The following TPM1 variants were observed in gnomAD, a reference collection of about 807,000 sequenced individuals.
The protein encoded by TPM1 is tropomyosin 1.
Under a neutral mutation model 42.9 loss-of-function variants are expected in TPM1, and 24 were observed. The ratio of observed to expected loss-of-function variants is 0.56; its 90% CI spans 0.41 to 0.79. The LOEUF (loss-of-function observed/expected upper bound fraction) is 0.79, where lower values mean the gene tolerates loss of function less well. TPM1 is among the 30% of genes least tolerant of loss of function. The probability of loss-of-function intolerance (pLI) is 0.00; values close to 1 mark genes in which losing one functional copy is unlikely to be tolerated. For missense variants in TPM1, 158 were observed against 351.8 expected, an observed-to-expected ratio of 0.45 and a Z score of 4.41; for synonymous variants, 136 against 130.1, an observed-to-expected ratio of 1.05 and a Z score of -0.31.
At chr15:63,047,803 A>T (rs2032724808) in intron 2 of TPM1, 1 of 173,258 alleles carries the variant, frequency 5.8e-6, no homozygotes, top group Admixed American at 5.9e-5. Flanking sequence ...TAATTCTCAT[A>T]GCAGCCCCAT....
chr15:63,062,843 G>A, intron 8 of TPM1, 198 bp downstream of exon 8: 1 of 1,528,110 alleles, frequency 6.5e-7, no homozygotes, highest in East Asian at 2.5e-5. Context: ...TGACTAGTTA[G>A]CCACCAGCCA....
At chr15:63,042,994 C>A (rs1458964381) in intron 1 of TPM1, 51 bp downstream of exon 1, 2 of 1,492,192 alleles carry the variant, frequency 1.3e-6, no homozygotes, top group Non-Finnish European at 9.1e-7. Flanking sequence ...GGGACTCGAG[C>A]CTGGCACCCC....
chr15:63,069,922 G>A (rs1350373785), downstream of TPM1: 1 of 1,614,000 alleles, frequency 6.2e-7, no homozygotes, highest in African/African-American at 1.3e-5. Flanking sequence ...ATGAACTAAA[G>A]CTGGCCCTGA....
intron 2 of TPM1, among the ~76,000 whole-genome samples, chr15:63,051,887 A>G (rs1286160381): frequency 7.8e-6 from 1 of 127,402 alleles, no homozygotes; most frequent in African/African-American, 3.0e-5. Context: ...AGGCCTCATA[A>G]AAGTTGTTTT....
downstream of TPM1, among the ~76,000 whole-genome samples, chr15:63,067,998 A>T (rs1292783190): frequency 6.6e-6 from 1 of 152,172 alleles, no homozygotes; most frequent in Non-Finnish European, 1.5e-5. Context: ...CTGAATTCAT[A>T]CTGACCCTCT....
chr15:63,064,747 C>T (rs1006357624), intron 9 of TPM1: 6 of 823,478 alleles, frequency 7.3e-6, no homozygotes, highest in Middle Eastern at 6.1e-4. Context: ...GGGCGGATCA[C>T]GAGGTCAGGA....
intron 8 of TPM1, chr15:63,063,024 A>G (rs1369112504): frequency 2.2e-6 from 3 of 1,335,772 alleles, no homozygotes; most frequent in African/African-American, 3.0e-5. Flanking sequence ...TCTTGTTTTT[A>G]GAAGAACCCA....
chr15:63,047,677 GA>G (rs1490544235), intron 2 of TPM1: 1 of 152,450 alleles, frequency 6.6e-6, no homozygotes, highest in Non-Finnish European at 1.5e-5. Context: ...TTACACAGCT[GA>G]TTATGGGCCT....
downstream of TPM1, among the ~76,000 whole-genome samples, chr15:63,066,903 T>C (rs2036308384): frequency 1.3e-5 from 2 of 152,214 alleles, no homozygotes; most frequent in Admixed American, 6.5e-5. Flanking sequence ...TCTTTTTTTT[T>C]TTCCCAAAAA....
At chr15:63,055,297 G>C (rs1388067709) in intron 2 of TPM1, among the ~76,000 whole-genome samples, 1 of 152,208 alleles carries the variant, frequency 6.6e-6, no homozygotes, top group Non-Finnish European at 1.5e-5. Context: ...CAAGATAAAA[G>C]TGTATTTACA....
At chr15:63,070,712 GGAAAT>G (rs2141037643), downstream of TPM1, 1 of 1,049,480 alleles carries the variant, frequency 9.5e-7, no homozygotes, top group East Asian at 8.5e-5. Flanking sequence ...CCTGTACCTT[GGAAAT>G]GTCTGCTGTT....
intron 9 of TPM1, chr15:63,065,501 G>A (rs2036177551): frequency 2.0e-6 from 2 of 985,272 alleles, no homozygotes; most frequent in African/African-American, 3.5e-5. Context: ...GAGAAAATGT[G>A]TCTTCTCATC....
chr15:63,043,931 T>A (rs2031815162), intron 1 of TPM1, 96 bp from the exon 2 acceptor site: 7 of 1,558,536 alleles, frequency 4.5e-6, no homozygotes, highest in Non-Finnish European at 5.2e-6. Flanking sequence ...CCGCTGTCCC[T>A]GTCCTTCTGG....
rs1424297357 is a variant in TPM1 at position 63,066,037 on chromosome 15, G to T, written c.*138G>T. 6.5e-7 allele frequency: 1 copy of T among 1,546,628 alleles called. No homozygotes were observed. The highest frequency in any genetic ancestry group is 2.4e-5 in the East Asian group (1 of 41,120). On this transcript the variant is annotated 3_prime_UTR_variant, in exon 10 of 10. Coordinates refer to ENST00000403994, the MANE Select transcript of TPM1 (RefSeq NM_001018005.2). ...TGCCTTAGAGCCAGGCACACACTGT[G>T]CTTTCTATTGTACAGAAGCTCTTCG...
At position 63,051,373 on chromosome 15, in the gene TPM1, C is replaced by A. The variant is rs188456004; in HGVS notation, c.241-5612C>A. On this transcript the variant is annotated intron_variant, in intron 2 of 9. Transcript: ENST00000403994. ...GGCTGTTAACTGGAATGTATACTCTCGATTTCCGCTTTCATATGTAGGCAA... is the reference window on the plus strand; with the variant it reads ...GGCTGTTAACTGGAATGTATACTCTAGATTTCCGCTTTCATATGTAGGCAA... 1.4e-4 allele frequency among the ~76,000 whole-genome samples: 21 copies of A among 152,286 alleles called. No individual in the cohort carries two copies. In the East Asian group the frequency reaches 3.9e-3, roughly 28 times the overall value.
At position 63,061,722 on chromosome 15, in the gene TPM1, C is replaced by G. The variant is rs780507307; in HGVS notation, c.573C>G (p.Ala191=). 3 of 1,614,004 alleles carry G rather than the reference C, an allele frequency of 1.9e-6. No homozygotes were observed. Among genetic ancestry groups the G allele is most frequent in the Non-Finnish European group, 2.5e-6 (3 of 1,179,960 alleles). ...ERAELSEGKC[A]ELEEELKTVT... is the part of the protein sequence containing the mutation. ...TGATCGAAAACATTAGCAAATGTGCCGAGCTTGAAGAAGAATTGAAAACTG... is the reference window on the plus strand; with the variant it reads ...TGATCGAAAACATTAGCAAATGTGCGGAGCTTGAAGAAGAATTGAAAACTG... Residue 191 remains alanine (A), a synonymous_variant, in exon 6 of 10, where the codon GCC becomes GCG. Transcript: ENST00000403994.
chr15:63,064,329 G>A lies in TPM1; in HGVS notation c.851+187G>A. The A allele has an allele frequency of 3.4e-6, 5 of 1,479,858 alleles. No individual in the cohort carries two copies. The Admixed American group carries it at 1.1e-4, about 33-fold the overall frequency. 91.7% of individuals were successfully genotyped at this position (1,479,858 alleles called of 1,614,324 possible). A position where few individuals can be genotyped will look rare whatever the true frequency, so the allele number is the denominator to read the frequency against. On this transcript the variant is annotated intron_variant, in intron 9 of 9. Coordinates refer to ENST00000403994, the MANE Select transcript of TPM1 (RefSeq NM_001018005.2). ...TATAAAGGCCAATTAGATTAAGTCT[G>A]TCTATACAAACCATTTTCTTTTCAG...
chr15:63,063,672 C>G (rs8042050), intron 8 of TPM1: 24,027 of 193,336 alleles, frequency 0.12, 1,876 homozygotes, highest in Admixed American at 0.25. Flanking sequence ...GCTGCAGATG[C>G]CTGACTACTC....
At chr15:63,061,686 C>G (rs766242495) in intron 5 of TPM1, 27 bp from the exon 6 acceptor site, 1 of 1,610,686 alleles carries the variant, frequency 6.2e-7, no homozygotes, top group Non-Finnish European at 8.5e-7. Context: ...GTCTCCCACC[C>G]TTTCTGCCTC....
Sources: gnomAD v4.1 joint callset for allele counts (sites outside exome capture counted in the v4.1 genomes callset) on GRCh38, gnomAD v4.1.1 for gene constraint, MANE v1.5 for transcripts, NCBI Gene and HGNC (gene_info 2026-07-23, HGNC 2026-07-21) for gene names.